The following SLC9B1 variants were observed in gnomAD, a reference collection of about 807,000 sequenced individuals.
SLC9B1 encodes the protein sodium/hydrogen exchanger 9B1.
A neutral mutation model predicts 51.7 loss-of-function variants in SLC9B1; 32 were observed. The ratio of observed to expected loss-of-function variants is 0.62; its 90% CI spans 0.47 to 0.83. The LOEUF is 0.83. Ranked by LOEUF, SLC9B1 falls within the 40% of genes least tolerant of loss-of-function variation. The pLI is 0.00. For missense variants in SLC9B1, 406 were observed against 613.2 expected (o/e 0.66, Z 3.57); for synonymous variants, 145 against 212.7 (o/e 0.68, Z 2.77).
chr4:102,940,612 C>T (rs1349762564), intron 6 of SLC9B1, among the ~76,000 whole-genome samples: 8 of 152,166 alleles, frequency 5.3e-5, no homozygotes, highest in South Asian at 2.1e-4. Flanking sequence ...TACCTGACTT[C>T]GAACGGTAGT....
intron 11 of SLC9B1, among the ~76,000 whole-genome samples, chr4:102,893,955 A>G (rs1734408135): frequency 2.0e-5 from 3 of 152,190 alleles, no homozygotes; most frequent in Non-Finnish European, 4.4e-5. Context: ...CATATGAATG[A>G]ATATTCTAAA....
intron 11 of SLC9B1, among the ~76,000 whole-genome samples, chr4:102,892,976 G>A (rs891599110): frequency 5.3e-5 from 8 of 152,022 alleles, no homozygotes; most frequent in African/African-American, 1.7e-4. Flanking sequence ...ATAAGATGAA[G>A]GTAGAAAGAT....
chr4:102,922,332 G>A (rs541510368), intron 7 of SLC9B1, among the ~76,000 whole-genome samples: 141 of 152,212 alleles, frequency 9.3e-4, no homozygotes, highest in South Asian at 2.1e-3. Context: ...ACAAAATGAA[G>A]GCAGAAATAA....
chr4:102,936,001 A>T lies in SLC9B1; in HGVS notation c.654-3702T>A, dbSNP rs1351563404. The stretch of plus-strand genomic sequence containing the variant: ...GGACCTTGCTACAATCACTACAATG[A>T]AGCACTCTGGCTGGCACACCCCATC... On this transcript the variant is annotated intron_variant, in intron 6 of 11. Transcript: ENST00000296422. 2.0e-5 allele frequency among the ~76,000 whole-genome samples: 3 copies of T among 152,150 alleles called. No individual in the cohort carries two copies. The East Asian group carries it at 5.8e-4, about 29-fold the overall frequency.
chr4:102,984,391 C>A (rs548636861), intron 3 of SLC9B1, among the ~76,000 whole-genome samples: 1 of 152,206 alleles, frequency 6.6e-6, no homozygotes, highest in African/African-American at 2.4e-5. Context: ...ACTGGGATTA[C>A]AGGTGTGAGC....
intron 7 of SLC9B1, among the ~76,000 whole-genome samples, chr4:102,925,404 T>C (rs1243837934): frequency 6.6e-6 from 1 of 152,024 alleles, no homozygotes; most frequent in Non-Finnish European, 1.5e-5. Flanking sequence ...GGGCCTGTCA[T>C]GGAGTGTGGG....
At chr4:102,982,375 T>G (rs1304601849) in intron 3 of SLC9B1, among the ~76,000 whole-genome samples, 1 of 152,102 alleles carries the variant, frequency 6.6e-6, no homozygotes, top group Non-Finnish European at 1.5e-5. Context: ...CAATGTCGAG[T>G]TGGCTTTTCT....
intron 7 of SLC9B1, among the ~76,000 whole-genome samples, chr4:102,920,327 GA>G (rs1463240726): frequency 7.9e-5 from 12 of 152,192 alleles, no homozygotes; most frequent in African/African-American, 2.9e-4. Context: ...CTGACTGTTA[GA>G]AGGAAAACTA....
In SLC9B1 at chr4:102,901,794, T is replaced by C. The variant is rs1468813791; in HGVS notation, c.1333-462A>G. Reference sequence around the variant, plus strand: ...TCCCTATTCAGGGGGCACTGTGTTATAGCAGAACTGACAGCAGGCTTGGAA... The same window carrying C: ...TCCCTATTCAGGGGGCACTGTGTTACAGCAGAACTGACAGCAGGCTTGGAA... On this transcript the variant is annotated intron_variant, in intron 11 of 11. Transcript: ENST00000296422. Among the ~76,000 whole-genome samples, 5 of 152,226 alleles carry C rather than the reference T, an allele frequency of 3.3e-5. No homozygotes were observed. In the East Asian group the frequency reaches 9.6e-4, roughly 29 times the overall value.
intron 6 of SLC9B1, among the ~76,000 whole-genome samples, chr4:102,940,011 A>G (rs112985281): frequency 6.6e-6 from 1 of 152,246 alleles, no homozygotes; most frequent in African/African-American, 2.4e-5. Context: ...CAGTGCAATT[A>G]GGCAAGAGAA....
intron 1 of SLC9B1, among the ~76,000 whole-genome samples, chr4:103,007,177 G>C (rs568620572): frequency 9.2e-5 from 14 of 152,260 alleles, no homozygotes; most frequent in Admixed American, 9.2e-4. Flanking sequence ...AAGAGAGGAA[G>C]TCAAACAATC....
chr4:102,901,051 T>C lies in SLC9B1; in HGVS notation c.*66A>G, dbSNP rs891539785. The C allele has an allele frequency of 2.0e-5, 32 of 1,601,660 alleles. No homozygotes were observed. Among genetic ancestry groups the C allele is most frequent in the Non-Finnish European group, 1.7e-6 (2 of 1,176,666 alleles). ...GTACAGTCCCCACATATTTCTACTT[T>C]AAAATTCTTCTGTCATGTGAAATAA... On this transcript the variant is annotated 3_prime_UTR_variant, in exon 12 of 12. Transcript: ENST00000296422.
intron 4 of SLC9B1, 138 bp from the exon 5 acceptor site, chr4:102,946,927 G>A (rs1435437422): frequency 2.0e-5 from 13 of 656,630 alleles, no homozygotes; most frequent in Non-Finnish European, 2.7e-5. Context: ...AGAGAAGGCA[G>A]CATGAATAAA....
At chr4:102,921,386 T>C (rs1735869671) in intron 7 of SLC9B1, among the ~76,000 whole-genome samples, 1 of 152,160 alleles carries the variant, frequency 6.6e-6, no homozygotes, top group South Asian at 2.1e-4. Context: ...CCACCAGGCC[T>C]GCCTTACAAG....
At chr4:102,928,198 A>T (rs529353762) in intron 7 of SLC9B1, among the ~76,000 whole-genome samples, 1 of 152,300 alleles carries the variant, frequency 6.6e-6, no homozygotes, top group East Asian at 1.9e-4. Context: ...CATGTTGTGC[A>T]CCTGTACCCT....
At chr4:102,894,207 A>G (rs940945672) in intron 11 of SLC9B1, among the ~76,000 whole-genome samples, 10 of 152,240 alleles carry the variant, frequency 6.6e-5, no homozygotes, top group African/African-American at 2.4e-5. Flanking sequence ...AAATTGAAGG[A>G]AAGTGTCTAA....
At position 102,978,540 on chromosome 4, in the gene SLC9B1, G is replaced by A. The variant is rs1454163801; in HGVS notation, c.211+11260C>T. On this transcript the variant is annotated intron_variant, in intron 3 of 11. Coordinates refer to ENST00000296422, the MANE Select transcript of SLC9B1 (RefSeq NM_139173.4). The stretch of plus-strand genomic sequence containing the variant: ...AGACTTCTCAAAAGAAGACATTTAT[G>A]CAGCCAAAAGACACATGAAAAAATG... Among the ~76,000 whole-genome samples the A allele has an allele frequency of 2.0e-5, 3 of 152,188 alleles. 1 individual carries two copies. The East Asian group carries it at 5.8e-4, about 29-fold the overall frequency.
At chr4:102,899,110 T>A (rs552988956), downstream of SLC9B1, among the ~76,000 whole-genome samples, 217 of 150,890 alleles carry the variant, frequency 1.4e-3, 1 homozygote, top group African/African-American at 4.9e-3. Flanking sequence ...ATTATATTAA[T>A]AAATTTTTAT....
chr4:102,941,477 A>C (rs1407656510), intron 6 of SLC9B1: 1 of 455,678 alleles, frequency 2.2e-6, no homozygotes, highest in Non-Finnish European at 4.4e-6. Context: ...GGCTATTATC[A>C]AAAAGTCAAA....
Sources: allele counts gnomAD v4.1 joint callset (sites outside exome capture counted in the v4.1 genomes callset), GRCh38; gene constraint gnomAD v4.1.1; transcripts MANE v1.5; gene names NCBI Gene and HGNC (gene_info 2026-07-23, HGNC 2026-07-21).